The following TAOK1 variants were observed in gnomAD, a reference collection of about 807,000 sequenced individuals.
TAOK1 encodes TAO kinase 1.
Under a neutral mutation model 138.3 loss-of-function variants are expected in TAOK1, and 21 were observed. The ratio of observed to expected loss-of-function variants is 0.15; its 90% CI spans 0.11 to 0.22. The LOEUF (loss-of-function observed/expected upper bound fraction) is 0.22, where lower values mean the gene tolerates loss of function less well. TAOK1 is among the 10% of genes least tolerant of loss of function. TAOK1 has a pLI of 1.00. For synonymous variants in TAOK1, 361 were observed against 398.4 expected, an observed-to-expected ratio of 0.91 and a Z score of 1.12; for missense variants, 651 against 1,227.7, an observed-to-expected ratio of 0.53 and a Z score of 7.02.
chr17:29,510,955 A>G lies in TAOK1; in HGVS notation c.1667A>G (p.Lys556Arg), dbSNP rs1465282262. The G allele has an allele frequency of 6.2e-7, 1 of 1,609,184 alleles. No individual in the cohort carries two copies. The highest frequency in any genetic ancestry group is 1.3e-5 in the African/African-American group (1 of 74,668). Reference protein sequence around the residue: ...KELNSFLESQKREYKLRKEQL... With the variant: ...KELNSFLESQRREYKLRKEQL... ...CTGAATAGTTTTCTCGAGTCCCAGA[A>G]AAGAGAGTATAAACTTCGAAAAGAG... The change falls in exon 15 of 20, where the codon AAA (lysine) becomes AGA (arginine). Residue 556 changes from lysine (K) to arginine (R), a missense_variant. Physicochemically the swap from Lys to Arg is conservative, Grantham distance 26. Transcript: ENST00000261716.
intron 1 of TAOK1, among the ~76,000 whole-genome samples, chr17:29,426,265 G>A (rs1274083323): frequency 6.6e-6 from 1 of 152,160 alleles, no homozygotes. Context: ...ACGTAATGGT[G>A]AAAAAATGTG....
chr17:29,392,778 G>A (rs1308393114), intron 1 of TAOK1, among the ~76,000 whole-genome samples: 2 of 152,148 alleles, frequency 1.3e-5, no homozygotes, highest in African/African-American at 4.8e-5. Context: ...GCTCTACTTA[G>A]TGACTTATTT....
chr17:29,491,681 C>G (rs2031297783), intron 9 of TAOK1, 103 bp from the exon 10 acceptor site: 2 of 784,312 alleles, frequency 2.6e-6, no homozygotes, highest in Non-Finnish European at 2.2e-6. Flanking sequence ...TTTAATCATT[C>G]CCTTTCCATT....
At chr17:29,456,177 G>A (rs1439787740) in intron 2 of TAOK1, among the ~76,000 whole-genome samples, 3 of 149,878 alleles carry the variant, frequency 2.0e-5, no homozygotes, top group Non-Finnish European at 2.9e-5. Context: ...TCAAAACCCC[G>A]TCTCTACTAA....
At chr17:29,532,772 G>A (rs1307023725) in intron 18 of TAOK1, among the ~76,000 whole-genome samples, 5 of 151,936 alleles carry the variant, frequency 3.3e-5, no homozygotes, top group Non-Finnish European at 7.4e-5. Flanking sequence ...GCAACCATCC[G>A]ATTTCTCAAT....
chr17:29,494,126 T>A (rs190837405), intron 10 of TAOK1, among the ~76,000 whole-genome samples: 26 of 152,172 alleles, frequency 1.7e-4, no homozygotes, highest in Middle Eastern at 3.4e-3. Flanking sequence ...AGGCTGGTCT[T>A]GAACTCCTGG....
At chr17:29,482,153 C>A in intron 7 of TAOK1, 44 bp from the exon 8 acceptor site, 1 of 1,453,750 alleles carries the variant, frequency 6.9e-7, no homozygotes, top group Non-Finnish European at 9.5e-7. Flanking sequence ...GGATAGAATA[C>A]TTTTTAAAAA....
chr17:29,442,433 T>C (rs1026464608), intron 1 of TAOK1, among the ~76,000 whole-genome samples: 2 of 151,842 alleles, frequency 1.3e-5, no homozygotes, highest in Non-Finnish European at 2.9e-5. Context: ...ATCACAGTTC[T>C]GCTAGCATAT....
chr17:29,528,375 A>C (rs1430193421), intron 17 of TAOK1, among the ~76,000 whole-genome samples: 1 of 152,136 alleles, frequency 6.6e-6, no homozygotes, highest in Non-Finnish European at 1.5e-5. Flanking sequence ...CTGACTTTTA[A>C]GTTTTTGCTT....
At position 29,417,198 on chromosome 17, in the gene TAOK1, T is replaced by C. The variant is rs377650941; in HGVS notation, c.-95+26174T>C. On this transcript the variant is annotated intron_variant, in intron 1 of 19. Transcript: ENST00000261716. ...CCTGGCTAATTTATGTATTTTTTATTAGTAAGGGGTTTTGCCATGTTGGCC... is the reference window on the plus strand; with the variant it reads ...CCTGGCTAATTTATGTATTTTTTATCAGTAAGGGGTTTTGCCATGTTGGCC... Among the ~76,000 whole-genome samples, 4 of 152,154 alleles carry C rather than the reference T, an allele frequency of 2.6e-5. No individual in the cohort carries two copies. The East Asian group carries it at 5.8e-4, about 22-fold the overall frequency.
chr17:29,521,914 A>C (rs369915948), intron 16 of TAOK1, among the ~76,000 whole-genome samples: 1 of 152,198 alleles, frequency 6.6e-6, no homozygotes, highest in African/African-American at 2.4e-5. Context: ...CACTAACCAG[A>C]GTAGACTGCG....
chr17:29,450,268 TG>T, intron 1 of TAOK1, among the ~76,000 whole-genome samples: 1 of 152,184 alleles, frequency 6.6e-6, no homozygotes, highest in Admixed American at 6.5e-5. Context: ...GTAATTTTTT[TG>T]TATTGGAAGA....
At chr17:29,425,591 A>G (rs538706573) in intron 1 of TAOK1, among the ~76,000 whole-genome samples, 1 of 152,028 alleles carries the variant, frequency 6.6e-6, no homozygotes, top group Non-Finnish European at 1.5e-5. Flanking sequence ...AGGTAGGAGG[A>G]TGGCTTGAGC....
intron 1 of TAOK1, among the ~76,000 whole-genome samples, chr17:29,428,030 T>G (rs1467030759): frequency 3.9e-5 from 6 of 152,118 alleles, no homozygotes; most frequent in Non-Finnish European, 8.8e-5. Context: ...CCTGGGGTCT[T>G]GATACAAGGA....
chr17:29,483,643 A>C (rs1390602923), intron 8 of TAOK1, among the ~76,000 whole-genome samples: 1 of 152,054 alleles, frequency 6.6e-6, no homozygotes, highest in Non-Finnish European at 1.5e-5. Flanking sequence ...TTTTGTTGGA[A>C]TTCCTCTGTT....
chr17:29,395,963 C>T (rs376477287), intron 1 of TAOK1, among the ~76,000 whole-genome samples: 7 of 151,478 alleles, frequency 4.6e-5, no homozygotes, highest in African/African-American at 1.7e-4. Flanking sequence ...CCACTGCACC[C>T]GGCCCGATTT....
rs564902389 is a variant in TAOK1 at position 29,461,188 on chromosome 17, C to A, written c.133-5957C>A. Among the ~76,000 whole-genome samples, 5 of 152,152 alleles carry A rather than the reference C, an allele frequency of 3.3e-5. No individual in the cohort carries two copies. The South Asian group carries it at 1.0e-3, about 32-fold the overall frequency. Reference sequence around the variant, plus strand: ...GTGATCCTGGATTAGAAAAAAAAAGCCTGTAAAGAGCATTACTCAAACGTT... The same window carrying A: ...GTGATCCTGGATTAGAAAAAAAAAGACTGTAAAGAGCATTACTCAAACGTT... On this transcript the variant is annotated intron_variant, in intron 2 of 19. Coordinates refer to ENST00000261716, the MANE Select transcript of TAOK1 (RefSeq NM_020791.4).
At chr17:29,533,201 T>C (rs2032159007) in intron 18 of TAOK1, among the ~76,000 whole-genome samples, 1 of 129,006 alleles carries the variant, frequency 7.8e-6, no homozygotes, top group African/African-American at 3.0e-5. Context: ...ACATCCCAGA[T>C]GGGGTGGCGG....
At chr17:29,502,755 A>G in intron 13 of TAOK1, 32 bp downstream of exon 13, 2 of 1,595,096 alleles carry the variant, frequency 1.3e-6, no homozygotes, top group Non-Finnish European at 1.7e-6. Context: ...AGATAAATAT[A>G]TTTTTCATGT....
Sources: allele counts gnomAD v4.1 joint callset (sites outside exome capture counted in the v4.1 genomes callset), GRCh38; gene constraint gnomAD v4.1.1; transcripts MANE v1.5; gene names NCBI Gene and HGNC (gene_info 2026-07-23, HGNC 2026-07-21).